SNX9: variants seen among roughly 807,000 people sequenced by gnomAD.
SNX9 encodes sorting nexin-9.
In SNX9, 44 loss-of-function variants were observed where a neutral mutation model predicts 89.4. That is an observed-to-expected ratio of 0.49 (90% CI 0.39 to 0.63). The LOEUF is 0.63. Among genes scored for constraint, SNX9 ranks in the 30% least tolerant of loss-of-function variants. The pLI, the probability that SNX9 is intolerant of heterozygous loss-of-function variation, is 0.00. For missense variants in SNX9, 578 were observed against 736.1 expected, an observed-to-expected ratio of 0.79 and a Z score of 2.49; for synonymous variants, 236 against 247.8, an observed-to-expected ratio of 0.95 and a Z score of 0.45.
chr6:157,840,294 G>C (rs73022638), intron 1 of SNX9, among the ~76,000 whole-genome samples: 1 of 135,544 alleles, frequency 7.4e-6, no homozygotes, highest in Non-Finnish European at 1.6e-5. Context: ...AAGAGGGGCT[G>C]CTCCCCAGGC....
intron 1 of SNX9, among the ~76,000 whole-genome samples, chr6:157,836,834 G>A (rs953293786): frequency 4.0e-5 from 6 of 151,886 alleles, no homozygotes; most frequent in Admixed American, 2.6e-4. Flanking sequence ...CTCGTGATCC[G>A]CCCACCTTGT....
intron 9 of SNX9, among the ~76,000 whole-genome samples, chr6:157,910,893 G>A (rs923563178): frequency 6.6e-5 from 10 of 152,254 alleles, no homozygotes; most frequent in South Asian, 2.1e-4. Context: ...AGGCCGAGGC[G>A]GGCGGATCAC....
At chr6:157,942,727 A>G (rs1784067395) in intron 17 of SNX9, 64 bp from the exon 18 acceptor site, 1 of 1,538,376 alleles carries the variant, frequency 6.5e-7, no homozygotes, top group South Asian at 1.1e-5. Context: ...TTGTGAATAA[A>G]GAACACTGTG....
intron 1 of SNX9, among the ~76,000 whole-genome samples, chr6:157,835,243 C>G (rs775976037): frequency 3.9e-5 from 6 of 152,086 alleles, no homozygotes; most frequent in Non-Finnish European, 7.4e-5. Context: ...AAACTCCTGA[C>G]ACCAAGTGAT....
chr6:157,927,034 G>A, intron 10 of SNX9, 77 bp from the exon 11 acceptor site: 1 of 1,066,702 alleles, frequency 9.4e-7, no homozygotes, highest in Non-Finnish European at 1.5e-6. Context: ...TGATAAATGA[G>A]CTGGTCCTGT....
chr6:157,876,919 G>A (rs117753825), intron 4 of SNX9, among the ~76,000 whole-genome samples: 1,780 of 152,360 alleles, frequency 0.012, 16 homozygotes, highest in Non-Finnish European at 0.018. Context: ...TGTTGCCTAG[G>A]AGCAAAGCCA....
intron 1 of SNX9, among the ~76,000 whole-genome samples, chr6:157,836,056 C>T (rs933482519): frequency 2.6e-5 from 4 of 152,162 alleles, no homozygotes; most frequent in African/African-American, 9.7e-5. Context: ...CTCAGCCTCC[C>T]AAGTAGCTGG....
At chr6:157,881,398 G>A (rs956876498) in intron 4 of SNX9, among the ~76,000 whole-genome samples, 6 of 151,998 alleles carry the variant, frequency 3.9e-5, no homozygotes, top group East Asian at 1.9e-4. Context: ...AGACACAACC[G>A]TATTTCAGTT....
Position 157,935,977 on chromosome 6 carries a change from CAAT to C in SNX9, c.1381_1383del (p.Asn461del), listed in dbSNP as rs753384111. 6 of 1,611,798 alleles carry C rather than the reference CAAT, an allele frequency of 3.7e-6. No individual in the cohort carries two copies. The highest frequency in any genetic ancestry group is 1.1e-5 in the South Asian group (1 of 90,508). On this transcript the variant is annotated inframe_deletion, in exon 14 of 18. Coordinates refer to ENST00000392185, the MANE Select transcript of SNX9 (RefSeq NM_016224.5). ...GATCATTTTCAGGTGAAACAGATCT[CAAT>C]GATGCAATAACAGAAGCAGGAAAGA... is the stretch of plus-strand genomic sequence containing the variant.
At chr6:157,861,710 A>C (rs1782127651) in intron 1 of SNX9, among the ~76,000 whole-genome samples, 1 of 152,214 alleles carries the variant, frequency 6.6e-6, no homozygotes, top group Non-Finnish European at 1.5e-5. Context: ...GCCTGCAACC[A>C]AGGATAATAC....
In SNX9 at chr6:157,833,747, C is replaced by G. The variant is rs188583484; in HGVS notation, c.12+10301C>G. 9.8e-5 allele frequency among the ~76,000 whole-genome samples: 15 copies of G among 152,320 alleles called. No individual in the cohort carries two copies. The East Asian group carries it at 2.1e-3, about 21-fold the overall frequency. On this transcript the variant is annotated intron_variant, in intron 1 of 17. Coordinates refer to ENST00000392185, the MANE Select transcript of SNX9 (RefSeq NM_016224.5). ...GCACTTCTCCTCCCGCCTTCCTAAACCATGACTCAGATTTTAGAGTCAAGA... is the reference window on the plus strand; with the variant it reads ...GCACTTCTCCTCCCGCCTTCCTAAAGCATGACTCAGATTTTAGAGTCAAGA...
chr6:157,927,157 G>C lies in SNX9; in HGVS notation c.1127G>C (p.Gly376Ala). 1.2e-6 allele frequency: 2 copies of C among 1,614,160 alleles called. No individual in the cohort carries two copies. The highest frequency in any genetic ancestry group is 1.7e-6 in the Non-Finnish European group (2 of 1,180,036). Residue 376 changes from glycine (G) to alanine (A), a missense_variant, in exon 11 of 18, where the codon GGA becomes GCA. Physicochemically the swap from Gly to Ala is moderately conservative, Grantham distance 60. Coordinates refer to ENST00000392185, the MANE Select transcript of SNX9 (RefSeq NM_016224.5). ...KRKAERDELA[G>A]VMIFSTMEPE... is the part of the protein sequence containing the mutation. ...AAGGCCGAGAGAGATGAGCTGGCGG[G>C]AGTCATGATATTTTCCACCATGGAA...
At chr6:157,931,002 T>C (rs999837097) in intron 12 of SNX9, among the ~76,000 whole-genome samples, 14 of 152,248 alleles carry the variant, frequency 9.2e-5, no homozygotes, top group Admixed American at 9.2e-4. Context: ...ATCCCTTATG[T>C]CTAATGTCTG....
At chr6:157,858,464 C>T (rs11753793) in intron 1 of SNX9, among the ~76,000 whole-genome samples, 9,186 of 151,990 alleles carry the variant, frequency 0.06, 302 homozygotes, top group South Asian at 0.1. Context: ...TCACGTGATC[C>T]GCCTGTTTCG....
At chr6:157,904,474 A>C (rs1230903369) in intron 6 of SNX9, among the ~76,000 whole-genome samples, 1 of 151,916 alleles carries the variant, frequency 6.6e-6, no homozygotes, top group Non-Finnish European at 1.5e-5. Flanking sequence ...TGAAATAATT[A>C]ATACATTGCT....
intron 10 of SNX9, among the ~76,000 whole-genome samples, chr6:157,923,361 A>G (rs1017709681): frequency 1.3e-5 from 2 of 152,196 alleles, no homozygotes; most frequent in Non-Finnish European, 2.9e-5. Context: ...ATTAGAAATA[A>G]GTGGTTAGTA....
chr6:157,932,639 G>A (rs11961423), intron 13 of SNX9, among the ~76,000 whole-genome samples: 1,829 of 152,046 alleles, frequency 0.012, 41 homozygotes, highest in African/African-American at 0.042. Context: ...GCTGAGGTGG[G>A]CAAATCACTT....
In SNX9 at chr6:157,927,718, C is replaced by CTTTTT. The variant is rs761592456; in HGVS notation, c.1184+526_1184+530dup. Among the ~76,000 whole-genome samples, 44 of 98,750 alleles carry CTTTTT rather than the reference C, an allele frequency of 4.5e-4. 3 individuals are homozygous for CTTTTT. The highest frequency in any genetic ancestry group is 1.3e-3 in the African/African-American group (30 of 22,680). 64.8% of individuals were successfully genotyped at this position (98,750 alleles called of 152,430 possible). A position where few individuals can be genotyped will look rare whatever the true frequency, so the allele number is the denominator to read the frequency against. On this transcript the variant is annotated intron_variant, in intron 11 of 17. Coordinates refer to ENST00000392185, the MANE Select transcript of SNX9 (RefSeq NM_016224.5). Reference sequence around the variant, plus strand: ...AATTTGCGTGGTTTTTAATTTTAAGCTTTTTTTTTTTTTTTTTTTTTTTTT... The same window carrying CTTTTT: ...AATTTGCGTGGTTTTTAATTTTAAGCTTTTTTTTTTTTTTTTTTTTTTTTTTTTTT...
intron 1 of SNX9, among the ~76,000 whole-genome samples, chr6:157,842,163 G>A (rs1781716052): frequency 6.6e-6 from 1 of 152,204 alleles, no homozygotes; most frequent in African/African-American, 2.4e-5. Context: ...GGTAGGCAGT[G>A]TAAACATATT....
Sources: allele counts gnomAD v4.1 joint callset (sites outside exome capture counted in the v4.1 genomes callset), GRCh38; gene constraint gnomAD v4.1.1; transcripts MANE v1.5; gene names NCBI Gene and HGNC (gene_info 2026-07-23, HGNC 2026-07-21).